Variants in SRPK2 observed in about 807,000 individuals in gnomAD.
The protein encoded by SRPK2 is SFRS protein kinase 2.
Under a neutral mutation model 90.8 loss-of-function variants are expected in SRPK2, and 21 were observed. That is an observed-to-expected ratio of 0.23 (90% CI 0.16 to 0.33). The LOEUF is 0.33. SRPK2 is among the 10% of genes least tolerant of loss of function. The probability of loss-of-function intolerance (pLI) is 1.00; values close to 1 mark genes in which losing one functional copy is unlikely to be tolerated. For missense variants in SRPK2, 620 were observed against 869.0 expected (o/e 0.71, Z 3.60); for synonymous variants, 288 against 311.1 (o/e 0.93, Z 0.78).
At chr7:105,386,232 T>A (rs1460979777) in intron 2 of SRPK2, among the ~76,000 whole-genome samples, 2 of 145,832 alleles carry the variant, frequency 1.4e-5, no homozygotes. Context: ...GAGAATGGCG[T>A]GAATTCGGGA....
intron 2 of SRPK2, among the ~76,000 whole-genome samples, chr7:105,259,036 G>A (rs1224827011): frequency 6.6e-6 from 1 of 152,166 alleles, no homozygotes; most frequent in East Asian, 1.9e-4. Flanking sequence ...GTTCTGGCCA[G>A]GGCAGTCAGG....
chr7:105,253,519 C>CT (rs2129632213), intron 2 of SRPK2, among the ~76,000 whole-genome samples: 1 of 152,274 alleles, frequency 6.6e-6, no homozygotes, highest in East Asian at 1.9e-4. Context: ...CCCATCCTCT[C>CT]CTCCATCTCT....
intron 9 of SRPK2, among the ~76,000 whole-genome samples, chr7:105,144,236 G>A (rs1421483073): frequency 1.8e-5 from 2 of 112,816 alleles, no homozygotes; most frequent in South Asian, 3.0e-4. Flanking sequence ...CATCACACCC[G>A]GCTAATTTTT....
intron 2 of SRPK2, among the ~76,000 whole-genome samples, chr7:105,229,659 T>G (rs367802888): frequency 1.3e-5 from 2 of 152,172 alleles, no homozygotes; most frequent in Non-Finnish European, 1.5e-5. Context: ...AGGACTATCA[T>G]AGAGTAGGAA....
chr7:105,279,213 G>A (rs111316993), intron 2 of SRPK2, among the ~76,000 whole-genome samples: 136 of 152,198 alleles, frequency 8.9e-4, no homozygotes, highest in African/African-American at 3.1e-3. Context: ...GGCGGCGGGG[G>A]GAGGAGGGAG....
intron 2 of SRPK2, among the ~76,000 whole-genome samples, chr7:105,361,817 A>C (rs1411472705): frequency 6.6e-6 from 1 of 152,172 alleles, no homozygotes; most frequent in Non-Finnish European, 1.5e-5. Context: ...CTTATACAAA[A>C]ATTAATTCAA....
At chr7:105,263,257 A>T (rs1804567837) in intron 2 of SRPK2, among the ~76,000 whole-genome samples, 1 of 152,052 alleles carries the variant, frequency 6.6e-6, no homozygotes, top group Admixed American at 6.6e-5. Flanking sequence ...TGGGAGGCAG[A>T]GGTTGCAGTG....
chr7:105,148,968 T>C (rs548884592), intron 7 of SRPK2, among the ~76,000 whole-genome samples: 28 of 152,012 alleles, frequency 1.8e-4, no homozygotes, highest in East Asian at 1.7e-3. Context: ...TGTGGAAAGC[T>C]GCAGGGACCT....
At chr7:105,198,686 A>G (rs936179382) in intron 3 of SRPK2, among the ~76,000 whole-genome samples, 7 of 152,222 alleles carry the variant, frequency 4.6e-5, no homozygotes, top group African/African-American at 1.4e-4. Flanking sequence ...AGACAGAAGA[A>G]GAGTGAAACT....
At chr7:105,344,840 T>TAAA (rs35086357) in intron 2 of SRPK2, among the ~76,000 whole-genome samples, 1 of 141,328 alleles carries the variant, frequency 7.1e-6, no homozygotes. Context: ...CACTCACACT[T>TAAA]AAAAAAAAAA....
intron 2 of SRPK2, among the ~76,000 whole-genome samples, chr7:105,327,947 G>A (rs1563243882): frequency 6.6e-6 from 1 of 152,082 alleles, no homozygotes; most frequent in Non-Finnish European, 1.5e-5. Context: ...ACTACAAGAA[G>A]CCACCACCAC....
chr7:105,204,546 C>T, intron 2 of SRPK2: 1 of 409,298 alleles, frequency 2.4e-6, no homozygotes, highest in South Asian at 2.0e-5. Flanking sequence ...GGAAGCACAT[C>T]TCTCCCTTAA....
chr7:105,253,562 G>C (rs541542872), intron 2 of SRPK2, among the ~76,000 whole-genome samples: 2 of 152,184 alleles, frequency 1.3e-5, no homozygotes, highest in African/African-American at 4.8e-5. Flanking sequence ...AGAGTTTCAA[G>C]ATGGTGCCAC....
In SRPK2 at chr7:105,150,908, C is replaced by T. The variant is rs144205169; in HGVS notation, c.622-4250G>A. 1.3e-3 allele frequency among the ~76,000 whole-genome samples: 196 copies of T among 152,184 alleles called. 6 individuals are homozygous for T. In the South Asian group the frequency reaches 0.022, roughly 17 times the overall value. ...ATATATTTGACCATTTTCTCATGCA[C>T]GAGAGTTGTCCTATCTTTCCACCTT... On this transcript the variant is annotated intron_variant, in intron 7 of 15. Coordinates refer to ENST00000393651, the MANE Select transcript of SRPK2 (RefSeq NM_182692.3).
intron 3 of SRPK2, among the ~76,000 whole-genome samples, chr7:105,174,856 G>A (rs1791625658): frequency 6.6e-6 from 1 of 152,074 alleles, no homozygotes; most frequent in Non-Finnish European, 1.5e-5. Flanking sequence ...AGAAATAAGA[G>A]GATTCGGCTG....
At chr7:105,140,061 T>C (rs1343281390) in intron 11 of SRPK2, among the ~76,000 whole-genome samples, 1 of 152,170 alleles carries the variant, frequency 6.6e-6, no homozygotes, top group Non-Finnish European at 1.5e-5. Flanking sequence ...TAATACCTGC[T>C]ACAATGTAAA....
rs73409861 is a variant in SRPK2 at position 105,307,166 on chromosome 7, G to C, written c.71+81482C>G. On this transcript the variant is annotated intron_variant, in intron 2 of 15. Transcript: ENST00000393651. ...ACTTTTCCCAATACTGGGTGGGAGG[G>C]GAGGTAATCAAAGTAATTAATTTTT... 3.2e-3 allele frequency among the ~76,000 whole-genome samples: 486 copies of C among 152,120 alleles called. 3 individuals carry two copies. The highest frequency in any genetic ancestry group is 0.011 in the African/African-American group (467 of 41,494).
intron 2 of SRPK2, among the ~76,000 whole-genome samples, chr7:105,359,581 T>C (rs1818199721): frequency 6.6e-6 from 1 of 152,162 alleles, no homozygotes; most frequent in Non-Finnish European, 1.5e-5. Flanking sequence ...CTAACGTCAA[T>C]TTGTTTTATG....
chr7:105,244,971 GC>G, intron 2 of SRPK2: 3 of 1,339,554 alleles, frequency 2.2e-6, no homozygotes, highest in Non-Finnish European at 3.2e-6. Context: ...GAAAGACTGA[GC>G]CCCCTTCCCT....
Sources: gnomAD v4.1 joint callset for allele counts (sites outside exome capture counted in the v4.1 genomes callset) on GRCh38, gnomAD v4.1.1 for gene constraint, MANE v1.5 for transcripts, NCBI Gene and HGNC (gene_info 2026-07-23, HGNC 2026-07-21) for gene names.